The following PFKM variants were observed in gnomAD, a reference collection of about 807,000 sequenced individuals.
PFKM encodes the protein ATP-dependent 6-phosphofructokinase, muscle type.
In PFKM, 58 loss-of-function variants were observed where a neutral mutation model predicts 95.5. The ratio of observed to expected loss-of-function variants is 0.61; its 90% CI spans 0.49 to 0.76. The LOEUF is 0.76. PFKM is among the 30% of genes least tolerant of loss of function. The pLI, the probability that PFKM is intolerant of heterozygous loss-of-function variation, is 0.00. For missense variants in PFKM, 678 were observed against 1,005.4 expected, an observed-to-expected ratio of 0.67 and a Z score of 4.40; for synonymous variants, 336 against 357.2, an observed-to-expected ratio of 0.94 and a Z score of 0.67.
intron 5 of PFKM, 58 bp from the exon 6 acceptor site, chr12:48,133,257 C>T: frequency 6.8e-7 from 1 of 1,476,102 alleles, no homozygotes; most frequent in Non-Finnish European, 9.5e-7. Context: ...TAGATATCTC[C>T]TCTTTAGGCA....
At chr12:48,105,854 G>A (rs1946516053), upstream of PFKM, 3 of 602,934 alleles carry the variant, frequency 5.0e-6, no homozygotes, top group Middle Eastern at 4.4e-4. Flanking sequence ...CCACCGGACA[G>A]CAGGGGGGAG....
chr12:48,135,518 A>G lies in PFKM; in HGVS notation c.936+135A>G, dbSNP rs1328158088. 3 of 649,416 alleles carry G rather than the reference A, an allele frequency of 4.6e-6. No individual in the cohort carries two copies. In the African/African-American group the frequency reaches 5.4e-5, roughly 12 times the overall value. 40.2% of individuals were successfully genotyped at this position (649,416 alleles called of 1,614,324 possible). A position where few individuals can be genotyped will look rare whatever the true frequency, so the allele number is the denominator to read the frequency against. On this transcript the variant is annotated intron_variant, in intron 10 of 22. Transcript: ENST00000359794. Reference sequence around the variant, plus strand: ...GCCTCTCCACCAGCCTTTGGGCTGCAGTGGCCACTGACCCATTCCCATACA... The same window carrying G: ...GCCTCTCCACCAGCCTTTGGGCTGCGGTGGCCACTGACCCATTCCCATACA...
intron 2 of PFKM, among the ~76,000 whole-genome samples, chr12:48,129,493 A>G (rs1170612511): frequency 6.6e-6 from 1 of 152,038 alleles, no homozygotes; most frequent in Non-Finnish European, 1.5e-5. Context: ...TAATTGAGGA[A>G]ATGCCAGGAG....
In PFKM at chr12:48,133,187, C is replaced by G. The variant is rs112524281; in HGVS notation, c.428-128C>G. ...TGTTACCCAGACACAAATAGGCAGT[C>G]TTTGCCCTCCTTTTTCTGGTATTGT... On this transcript the variant is annotated intron_variant, in intron 5 of 22. Transcript: ENST00000359794. 2.1e-3 allele frequency: 2,657 copies of G among 1,256,012 alleles called. 41 individuals carry two copies. The African/African-American group carries it at 0.035, about 17-fold the overall frequency. 77.8% of individuals were successfully genotyped at this position (1,256,012 alleles called of 1,614,324 possible). A position where few individuals can be genotyped will look rare whatever the true frequency, so the allele number is the denominator to read the frequency against.
At chr12:48,107,471 G>A (rs763121555) in intron 2 of PFKM, 2 of 1,503,896 alleles carry the variant, frequency 1.3e-6, no homozygotes, top group Non-Finnish European at 1.8e-6. Context: ...CTTGTCTCCT[G>A]ATCATACTCC....
chr12:48,128,818 T>C (rs1949117270), intron 2 of PFKM, among the ~76,000 whole-genome samples: 1 of 152,124 alleles, frequency 6.6e-6, no homozygotes, highest in African/African-American at 2.4e-5. Context: ...AGATTTTAGA[T>C]TAAAACAAAA....
At chr12:48,134,205 A>G in intron 6 of PFKM, 27 bp from the exon 7 acceptor site, 1 of 1,608,580 alleles carries the variant, frequency 6.2e-7, no homozygotes, top group Non-Finnish European at 8.5e-7. Flanking sequence ...GGTCACTTGG[A>G]CTGTGTCATA....
intron 19 of PFKM, 53 bp downstream of exon 19, chr12:48,143,867 C>T: frequency 6.9e-7 from 1 of 1,444,656 alleles, no homozygotes; most frequent in South Asian, 1.1e-5. Context: ...AGCTTTGGCT[C>T]AAACCCATAG....
intron 13 of PFKM, among the ~76,000 whole-genome samples, chr12:48,140,208 A>G (rs1247195150): frequency 6.6e-6 from 1 of 152,222 alleles, no homozygotes; most frequent in Non-Finnish European, 1.5e-5. Flanking sequence ...TTTCTCTGGG[A>G]AAATATGGGA....
chr12:48,143,069 G>A, intron 18 of PFKM, 123 bp downstream of exon 18: 1 of 904,528 alleles, frequency 1.1e-6, no homozygotes, highest in African/African-American at 1.6e-5. Flanking sequence ...ATCCTGTGAA[G>A]ACCAGAAAGA....
intron 1 of PFKM, among the ~76,000 whole-genome samples, chr12:48,121,931 A>G (rs1592653339): frequency 6.6e-6 from 1 of 152,234 alleles, no homozygotes; most frequent in South Asian, 2.1e-4. Flanking sequence ...TATGGATACA[A>G]AAATACGTCC....
intron 11 of PFKM, among the ~76,000 whole-genome samples, chr12:48,138,388 C>A (rs2135963850): frequency 6.6e-6 from 1 of 152,278 alleles, no homozygotes; most frequent in East Asian, 1.9e-4. Context: ...ATGAAGGAAT[C>A]ACTCCTTTGA....
rs1320000831 is a variant in PFKM at position 48,133,052 on chromosome 12, A to AAGCAGGTAAGAGAGTTTTCACATC, written c.425_427+21dup. The stretch of plus-strand genomic sequence containing the variant: ...AGTGACTTGTTGAGTGACCTCCAGA[A>AAGCAGGTAAGAGAGTTTTCACATC]AGCAGGTAAGAGAGTTTTCACATCA... On this transcript the variant is annotated inframe_insertion, in exon 5 of 23. Transcript: ENST00000359794. 1.2e-6 allele frequency: 2 copies of AAGCAGGTAAGAGAGTTTTCACATC among 1,614,046 alleles called. No homozygotes were observed. The highest frequency in any genetic ancestry group is 1.7e-6 in the Non-Finnish European group (2 of 1,179,904).
At chr12:48,112,839 C>T (rs1008066530) in intron 3 of PFKM, among the ~76,000 whole-genome samples, 2 of 152,112 alleles carry the variant, frequency 1.3e-5, no homozygotes, top group Non-Finnish European at 2.9e-5. Context: ...TGAGTGATAA[C>T]AGGCTTTAAT....
chr12:48,111,877 A>G (rs1482869179), intron 3 of PFKM, among the ~76,000 whole-genome samples: 21 of 152,242 alleles, frequency 1.4e-4, no homozygotes, highest in Admixed American at 1.4e-3. Context: ...GCCAGGGAGC[A>G]GAAAGTATAT....
At chr12:48,113,796 G>A (rs1407737609) in intron 3 of PFKM, among the ~76,000 whole-genome samples, 1 of 152,154 alleles carries the variant, frequency 6.6e-6, no homozygotes, top group Non-Finnish European at 1.5e-5. Context: ...GGGGTTTGAG[G>A]ACCGGAATCT....
intron 4 of PFKM, 55 bp downstream of exon 4, chr12:48,131,448 C>A: frequency 7.7e-7 from 1 of 1,297,832 alleles, no homozygotes; most frequent in Non-Finnish European, 1.1e-6. Flanking sequence ...TTTCATCCCA[C>A]TCTGTTTTGG....
At position 48,111,087 on chromosome 12, in the gene PFKM, C is replaced by A. The variant is rs1409685937; in HGVS notation, c.205+2893C>A. On this transcript the variant is annotated intron_variant, in intron 3 of 24. Coordinates refer to the PFKM transcript ENST00000340802. ...CTGATCCAGCAGATCCAACTGCCCA[C>A]TAGACATAAAGCCTCTCCTGTGTAT... Among the ~76,000 whole-genome samples, 4 of 152,232 alleles carry A rather than the reference C, an allele frequency of 2.6e-5. No homozygotes were observed. In the East Asian group the frequency reaches 5.8e-4, roughly 22 times the overall value.
At chr12:48,140,475 TA>T in intron 13 of PFKM, among the ~76,000 whole-genome samples, 1 of 152,350 alleles carries the variant, frequency 6.6e-6, no homozygotes, top group East Asian at 1.9e-4. Context: ...CATTGTATAA[TA>T]ATGATATCTG....
Sources: gnomAD v4.1 joint callset for allele counts (sites outside exome capture counted in the v4.1 genomes callset) on GRCh38, gnomAD v4.1.1 for gene constraint, MANE v1.5 for transcripts, NCBI Gene and HGNC (gene_info 2026-07-23, HGNC 2026-07-21) for gene names.